Variants in FAF1 observed in about 807,000 individuals in gnomAD.
The protein encoded by FAF1 is Fas associated factor 1.
FAF1 carries 25 observed loss-of-function variants against 92.5 expected under a neutral mutation model. That is an observed-to-expected ratio of 0.27 (90% confidence interval 0.20 to 0.38). The LOEUF (loss-of-function observed/expected upper bound fraction) is 0.38. Among genes scored for constraint, FAF1 ranks in the 10% least tolerant of loss-of-function variants. The probability of loss-of-function intolerance (pLI) is 1.00; values close to 1 mark genes in which losing one functional copy is unlikely to be tolerated. For missense variants in FAF1, 636 were observed against 793.3 expected (o/e 0.80, Z 2.38); for synonymous variants, 234 against 273.2 (o/e 0.86, Z 1.42).
intron 1 of FAF1, among the ~76,000 whole-genome samples, chr1:50,905,081 C>G (rs1449696297): frequency 1.3e-5 from 2 of 152,144 alleles, no homozygotes; most frequent in Non-Finnish European, 2.9e-5. Context: ...GTTCCCCACC[C>G]TGTGTCCAAG....
At chr1:50,723,205 A>G (rs1658485081) in intron 6 of FAF1, among the ~76,000 whole-genome samples, 1 of 152,156 alleles carries the variant, frequency 6.6e-6, no homozygotes, top group Non-Finnish European at 1.5e-5. Context: ...GTTTGAGACC[A>G]GCCTGGCCAA....
At chr1:50,592,937 C>CAAAAAAAAAAA (rs1374336185) in intron 9 of FAF1, among the ~76,000 whole-genome samples, 1 of 92,310 alleles carries the variant, frequency 1.1e-5, no homozygotes, top group Non-Finnish European at 2.3e-5. Context: ...GACTCTGTTT[C>CAAAAAAAAAAA]AAAAAAAAAA....
At chr1:50,619,329 T>C (rs1251406367) in intron 8 of FAF1, among the ~76,000 whole-genome samples, 1 of 152,238 alleles carries the variant, frequency 6.6e-6, no homozygotes, top group Non-Finnish European at 1.5e-5. Flanking sequence ...CTTTTCAGTG[T>C]CTGTGGGCTA....
intron 1 of FAF1, among the ~76,000 whole-genome samples, chr1:50,911,339 T>C (rs1004996042): frequency 1.3e-5 from 2 of 150,388 alleles, no homozygotes; most frequent in Non-Finnish European, 3.0e-5. Flanking sequence ...CCCAAAGTAC[T>C]GGGATTACAG....
chr1:50,535,815 A>G (rs568557486), intron 14 of FAF1, among the ~76,000 whole-genome samples: 1 of 152,350 alleles, frequency 6.6e-6, no homozygotes, highest in South Asian at 2.1e-4. Flanking sequence ...AATTGTTTAT[A>G]TATCACTGAT....
At chr1:50,873,804 T>C (rs1242913091) in intron 1 of FAF1, among the ~76,000 whole-genome samples, 5 of 152,214 alleles carry the variant, frequency 3.3e-5, no homozygotes. Flanking sequence ...TTTAATAAAG[T>C]TGCTGTGTTT....
intron 2 of FAF1, among the ~76,000 whole-genome samples, chr1:50,842,604 C>A (rs993270258): frequency 3.9e-5 from 6 of 152,080 alleles, no homozygotes; most frequent in African/African-American, 1.4e-4. Context: ...TATATTCTAG[C>A]CACATTAGAT....
intron 8 of FAF1, among the ~76,000 whole-genome samples, chr1:50,634,796 C>T (rs996712776): frequency 6.6e-6 from 1 of 152,106 alleles, no homozygotes; most frequent in Non-Finnish European, 1.5e-5. Flanking sequence ...ATTCTGGGCA[C>T]TTTAGAAACA....
At chr1:50,484,251 A>G (rs1490276202) in intron 17 of FAF1, among the ~76,000 whole-genome samples, 1 of 152,150 alleles carries the variant, frequency 6.6e-6, no homozygotes, top group Non-Finnish European at 1.5e-5. Flanking sequence ...ATTTCTGGAT[A>G]AAGTAAGTAA....
chr1:50,620,576 A>G (rs558068524), intron 8 of FAF1, among the ~76,000 whole-genome samples: 52 of 152,330 alleles, frequency 3.4e-4, no homozygotes, highest in Non-Finnish European at 6.0e-4. Flanking sequence ...GGAATGGTTA[A>G]GAACCATTGT....
intron 6 of FAF1, among the ~76,000 whole-genome samples, chr1:50,728,117 T>G (rs1195216334): frequency 6.6e-6 from 1 of 152,116 alleles, no homozygotes; most frequent in Non-Finnish European, 1.5e-5. Context: ...CTAATACAAT[T>G]ACTAATATCA....
intron 7 of FAF1, among the ~76,000 whole-genome samples, chr1:50,674,467 TTAA>T (rs1656031988): frequency 6.6e-6 from 1 of 152,202 alleles, no homozygotes; most frequent in African/African-American, 2.4e-5. Flanking sequence ...CAGGTACAAA[TTAA>T]TAAAGTTTGC....
intron 15 of FAF1, among the ~76,000 whole-genome samples, chr1:50,532,459 T>C (rs895495643): frequency 6.6e-6 from 1 of 152,196 alleles, no homozygotes; most frequent in Non-Finnish European, 1.5e-5. Flanking sequence ...ATGTTTTTAG[T>C]GAATTATTGT....
At chr1:50,694,709 G>A (rs1433218187) in intron 7 of FAF1, among the ~76,000 whole-genome samples, 1 of 151,346 alleles carries the variant, frequency 6.6e-6, no homozygotes, top group Non-Finnish European at 1.5e-5. Context: ...ACTTTGGGAG[G>A]CCGAGGTGGG....
At chr1:50,750,611 CT>C (rs1659817957) in intron 4 of FAF1, among the ~76,000 whole-genome samples, 1 of 148,910 alleles carries the variant, frequency 6.7e-6, no homozygotes, top group Non-Finnish European at 1.5e-5. Flanking sequence ...GAGATTTATC[CT>C]TTTTCTTTTC....
At chr1:50,601,717 A>T (rs992181634) in intron 8 of FAF1, among the ~76,000 whole-genome samples, 7 of 146,750 alleles carry the variant, frequency 4.8e-5, no homozygotes, top group South Asian at 2.1e-4. Flanking sequence ...ACACACACAC[A>T]CTATATATAT....
Position 50,525,204 on chromosome 1 carries a change from G to GT in FAF1, c.1494+10164dup, listed in dbSNP as rs975577593. Among the ~76,000 whole-genome samples, 3 of 152,210 alleles carry GT rather than the reference G, an allele frequency of 2.0e-5. No individual in the cohort carries two copies. The South Asian group carries it at 6.2e-4, about 32-fold the overall frequency. On this transcript the variant is annotated intron_variant, in intron 15 of 18. Transcript: ENST00000396153. Reference sequence around the variant, plus strand: ...CCTGGCCCCCATATGTATTTTAAAAGTTTTTTTCTAGTTCTGTGAAGAATC... The same window carrying GT: ...CCTGGCCCCCATATGTATTTTAAAAGTTTTTTTTCTAGTTCTGTGAAGAATC...
intron 6 of FAF1, among the ~76,000 whole-genome samples, chr1:50,736,531 C>T (rs1023803667): frequency 8.5e-5 from 13 of 152,166 alleles, no homozygotes; most frequent in African/African-American, 3.1e-4. Flanking sequence ...GGGAGGATCA[C>T]CTGAGTTCAG....
chr1:50,945,964 T>A (rs1032071989), intron 1 of FAF1, among the ~76,000 whole-genome samples: 2 of 152,170 alleles, frequency 1.3e-5, no homozygotes, highest in Non-Finnish European at 2.9e-5. Context: ...GACTAAACCA[T>A]CAGCAAACCA....
Sources: gnomAD v4.1 joint callset for allele counts (sites outside exome capture counted in the v4.1 genomes callset) on GRCh38, gnomAD v4.1.1 for gene constraint, MANE v1.5 for transcripts, NCBI Gene and HGNC (gene_info 2026-07-23, HGNC 2026-07-21) for gene names.